Variants in MYOF observed in about 807,000 individuals in gnomAD.
MYOF encodes the protein fer-1-like 3, myoferlin.
Under a neutral mutation model 284.2 loss-of-function variants are expected in MYOF, and 244 were observed. The ratio of observed to expected loss-of-function variants is 0.86; its 90% CI spans 0.77 to 0.95. The LOEUF (loss-of-function observed/expected upper bound fraction) is 0.95. Among genes scored for constraint, MYOF ranks in the 40% least tolerant of loss-of-function variants. The pLI is 0.00. For missense variants in MYOF, 2,496 were observed against 2,560.6 expected (o/e 0.97, Z 0.54); for synonymous variants, 904 against 919.7 (o/e 0.98, Z 0.31).
At chr10:93,398,009 C>T (rs987680002) in intron 13 of MYOF, among the ~76,000 whole-genome samples, 1 of 152,258 alleles carries the variant, frequency 6.6e-6, no homozygotes, top group East Asian at 1.9e-4. Context: ...AACTCCACAC[C>T]CTCTCTTGCC....
chr10:93,402,220 G>A lies in MYOF; in HGVS notation c.990+12C>T. 6.2e-7 allele frequency: 1 copy of A among 1,603,370 alleles called. No individual in the cohort carries two copies. The highest frequency in any genetic ancestry group is 8.5e-7 in the Non-Finnish European group (1 of 1,170,208). On this transcript the variant is annotated intron_variant, in intron 11 of 53. Transcript: ENST00000359263. ...GTGAGAAGTGTAGAAAGTAGAGAAT[G>A]TAGGGACTCACAGGAGGCTCATCTC...
At chr10:93,388,863 A>G (rs1242598005) in intron 18 of MYOF, among the ~76,000 whole-genome samples, 167 bp downstream of exon 18, 1 of 152,236 alleles carries the variant, frequency 6.6e-6, no homozygotes, top group Non-Finnish European at 1.5e-5. Context: ...GCCATTGGCC[A>G]TTGGCCATCC....
At chr10:93,361,418 G>A in intron 28 of MYOF, 34 bp downstream of exon 28, 3 of 1,598,512 alleles carry the variant, frequency 1.9e-6, no homozygotes, top group Non-Finnish European at 2.6e-6. Flanking sequence ...CCCTGCTGCA[G>A]AGCCCCAATC....
chr10:93,353,676 T>G (rs1392640834), intron 32 of MYOF, 135 bp downstream of exon 32: 3 of 645,162 alleles, frequency 4.6e-6, no homozygotes, highest in Non-Finnish European at 7.8e-6. Flanking sequence ...GCAGTTTGCT[T>G]CAAGCATGCA....
At chr10:93,478,648 G>A (rs896557500) in intron 1 of MYOF, among the ~76,000 whole-genome samples, 3 of 141,766 alleles carry the variant, frequency 2.1e-5, no homozygotes, top group Admixed American at 7.6e-5. Flanking sequence ...TTGAGAAACA[G>A]AGTGAGGCCC....
intron 49 of MYOF, among the ~76,000 whole-genome samples, chr10:93,319,004 T>A (rs1842740693): frequency 6.6e-6 from 1 of 152,160 alleles, no homozygotes; most frequent in Non-Finnish European, 1.5e-5. Context: ...CTTAGCGGAC[T>A]CCCCTTTTCC....
At chr10:93,404,134 C>T (rs200137521) in intron 8 of MYOF, 23 bp downstream of exon 8, 4 of 1,613,788 alleles carry the variant, frequency 2.5e-6, no homozygotes, top group East Asian at 2.2e-5. Flanking sequence ...GTGAGCAGTA[C>T]CTTCCTACTT....
intron 4 of MYOF, among the ~76,000 whole-genome samples, chr10:93,429,663 A>T (rs1254475902): frequency 6.6e-6 from 1 of 152,202 alleles, no homozygotes; most frequent in Non-Finnish European, 1.5e-5. Flanking sequence ...CCTTTCTCTC[A>T]TATGGCTGTT....
chr10:93,384,316 A>G (rs1228680479), intron 19 of MYOF, among the ~76,000 whole-genome samples: 1 of 152,218 alleles, frequency 6.6e-6, no homozygotes, highest in African/African-American at 2.4e-5. Flanking sequence ...AGCCTGGGAC[A>G]AGATCTGCCT....
At chr10:93,414,397 G>T (rs1426287828) in intron 5 of MYOF, among the ~76,000 whole-genome samples, 1 of 152,090 alleles carries the variant, frequency 6.6e-6, no homozygotes, top group African/African-American at 2.4e-5. Context: ...AAATTAGCCA[G>T]GTGTGGTGGC....
chr10:93,482,210 G>A lies in MYOF; in HGVS notation c.-16C>T. 1.9e-6 allele frequency: 3 copies of A among 1,607,936 alleles called. No individual in the cohort carries two copies. The highest frequency in any genetic ancestry group is 1.7e-4 in the Middle Eastern group (1 of 6,026). On this transcript the variant is annotated 5_prime_UTR_variant, in exon 1 of 54. Transcript: ENST00000359263. ...CTCGCAGCATGGTTCTTAGCTGGTAGAAAGCAAGTTTCAGCAAACGAAGTG... is the reference window on the plus strand; with the variant it reads ...CTCGCAGCATGGTTCTTAGCTGGTAAAAAGCAAGTTTCAGCAAACGAAGTG...
intron 45 of MYOF, 78 bp downstream of exon 45, chr10:93,328,685 A>G (rs1589393850): frequency 2.8e-6 from 4 of 1,445,846 alleles, no homozygotes; most frequent in South Asian, 2.8e-5. Flanking sequence ...GGCTCTGTCT[A>G]TTCACTCCCC....
In MYOF at chr10:93,343,917, G is replaced by C. The variant is rs754571967; in HGVS notation, c.4265C>G (p.Ala1422Gly). 6.2e-7 allele frequency: 1 copy of C among 1,614,198 alleles called. No individual in the cohort carries two copies. The highest frequency in any genetic ancestry group is 1.1e-5 in the South Asian group (1 of 91,080). ...VPQLKASLLS[A>G]PPCRDIVIEM... ...GATAACGATGTCCCGGCATGGTGGG[G>C]CAGACAGAAGGGAGGCTGCAAGACA... Residue 1422 changes from alanine to glycine, a missense_variant, in exon 38 of 54, where the codon GCC (alanine) becomes GGC (glycine). Around this residue, in one of 3 missense-constraint regions of MYOF, gnomAD observed 2,436 missense variants for 2,480.7 expected, o/e 0.98. Coordinates refer to ENST00000359263, the MANE Select transcript of MYOF (RefSeq NM_013451.4).
At chr10:93,363,861 G>A (rs10882221) in intron 27 of MYOF, 100 bp downstream of exon 27, 320,498 of 866,536 alleles carry the variant, frequency 0.37, 66,683 homozygotes, top group East Asian at 0.86. Context: ...AAGATGGAGC[G>A]GAGGAGAGGT....
In MYOF at chr10:93,361,097, T is replaced by C. The variant is rs552150552; in HGVS notation, c.2974+355A>G. On this transcript the variant is annotated intron_variant, in intron 28 of 53. Coordinates refer to ENST00000359263, the MANE Select transcript of MYOF (RefSeq NM_013451.4). ...GGTTCCATGGGAGACAATTTTTCTATGGACAGGGTTGTGGGGTAGAGGGAG... is the reference window on the plus strand; with the variant it reads ...GGTTCCATGGGAGACAATTTTTCTACGGACAGGGTTGTGGGGTAGAGGGAG... Among the ~76,000 whole-genome samples the C allele has an allele frequency of 2.0e-5, 3 of 152,280 alleles. No homozygotes were observed. In the South Asian group the frequency reaches 6.2e-4, roughly 32 times the overall value.
In MYOF at chr10:93,452,154, A is replaced by G. The variant is rs150485087; in HGVS notation, c.145-13T>C. The G allele has an allele frequency of 3.3e-4, 521 of 1,582,696 alleles. 2 individuals carry two copies. In the African/African-American group the frequency reaches 6.5e-3, roughly 20 times the overall value. On this transcript the variant is annotated splice_polypyrimidine_tract_variant and intron_variant, in intron 2 of 53. Transcript: ENST00000359263. The stretch of plus-strand genomic sequence containing the variant: ...CAAACTCCAAAATCTGTTCACAGAA[A>G]GGTTTTGAAAAAAGAGAAAAAAAAA...
At chr10:93,407,459 G>GGTGGC (rs1403534213) in intron 7 of MYOF, among the ~76,000 whole-genome samples, 2 of 143,740 alleles carry the variant, frequency 1.4e-5, no homozygotes, top group Non-Finnish European at 3.0e-5. Context: ...GGCCGGGTGT[G>GGTGGC]GTGGCTCACG....
chr10:93,397,879 G>T (rs2134071621), intron 13 of MYOF, among the ~76,000 whole-genome samples: 1 of 152,004 alleles, frequency 6.6e-6, no homozygotes, highest in South Asian at 2.1e-4. Context: ...TCATTCAGGT[G>T]GTCAGGCTCA....
At chr10:93,415,059 G>A (rs1462162253) in intron 5 of MYOF, among the ~76,000 whole-genome samples, 1 of 152,040 alleles carries the variant, frequency 6.6e-6, no homozygotes, top group African/African-American at 2.4e-5. Flanking sequence ...GCCATCTTTT[G>A]TATCTTTCCA....
Sources: gnomAD v4.1 joint callset for allele counts (sites outside exome capture counted in the v4.1 genomes callset) on GRCh38, gnomAD v4.1.1 for gene constraint, gnomAD v4.1.1 regional missense constraint, MANE v1.5 for transcripts, NCBI Gene and HGNC (gene_info 2026-07-23, HGNC 2026-07-21) for gene names.